Variants in MYO5A observed in about 807,000 individuals in gnomAD.
The protein encoded by MYO5A is unconventional myosin-Va.
Under a neutral mutation model 249.7 loss-of-function variants are expected in MYO5A, and 98 were observed. The ratio of observed to expected loss-of-function variants is 0.39; its 90% CI spans 0.33 to 0.46. The LOEUF is 0.46. Ranked by LOEUF, MYO5A falls within the 20% of genes least tolerant of loss-of-function variation. The pLI is 0.98. For synonymous variants in MYO5A, 778 were observed against 810.6 expected, an observed-to-expected ratio of 0.96 and a Z score of 0.68; for missense variants, 1,696 against 2,308.8, an observed-to-expected ratio of 0.73 and a Z score of 5.44.
intron 1 of MYO5A, among the ~76,000 whole-genome samples, chr15:52,486,367 A>G (rs902398818): frequency 3.1e-4 from 47 of 152,236 alleles, no homozygotes; most frequent in Non-Finnish European, 1.3e-4. Flanking sequence ...TCAAGATGAC[A>G]TGTCTAGTTA....
chr15:52,313,553 G>A lies in MYO5A; in HGVS notation c.*143C>T. On this transcript the variant is annotated 3_prime_UTR_variant, in exon 42 of 42. Transcript: ENST00000399233. ...TTTCCAAAGTGATGAAAGTATTCTA[G>A]GGAGATTTCCAGTTAATGACTTCTC... 9.5e-7 allele frequency: 1 copy of A among 1,049,706 alleles called. No individual in the cohort carries two copies. The highest frequency in any genetic ancestry group is 1.4e-6 in the Non-Finnish European group (1 of 706,514). The allele number at this position is 1,049,706 out of a possible 1,614,324, so 65.0% of individuals were successfully genotyped here.
intron 25 of MYO5A, among the ~76,000 whole-genome samples, chr15:52,357,103 C>T (rs985894655): frequency 2.0e-5 from 3 of 151,942 alleles, no homozygotes; most frequent in Non-Finnish European, 2.9e-5. Flanking sequence ...TGCCTCAACA[C>T]GAAATCACCA....
chr15:52,513,874 G>A (rs957955195), intron 1 of MYO5A, among the ~76,000 whole-genome samples: 13 of 152,218 alleles, frequency 8.5e-5, no homozygotes, highest in Admixed American at 3.3e-4. Context: ...TTGAAAAAGA[G>A]AACTGGAAGC....
rs2042591525 is a variant in MYO5A at position 52,398,621 on chromosome 15, C to A, written c.1054-1155G>T. 3.3e-5 allele frequency among the ~76,000 whole-genome samples: 5 copies of A among 152,190 alleles called. No individual in the cohort carries two copies. The South Asian group carries it at 1.0e-3, about 31-fold the overall frequency. Reference sequence around the variant, plus strand: ...CCAAGTAATCACTTTAGATACAAATCAGCACCACTGCCTGCTCAACTCCCT... The same window carrying A: ...CCAAGTAATCACTTTAGATACAAATAAGCACCACTGCCTGCTCAACTCCCT... On this transcript the variant is annotated intron_variant, in intron 9 of 41. Transcript: ENST00000399233.
At chr15:52,459,484 C>A (rs1202093137) in intron 1 of MYO5A, among the ~76,000 whole-genome samples, 1 of 151,776 alleles carries the variant, frequency 6.6e-6, no homozygotes, top group African/African-American at 2.4e-5. Flanking sequence ...ACGGGGTTGG[C>A]GGTAAGGTTA....
chr15:52,389,511 T>C (rs1318032918), intron 12 of MYO5A, 148 bp from the exon 13 acceptor site: 1 of 796,074 alleles, frequency 1.3e-6, no homozygotes, highest in Non-Finnish European at 1.9e-6. Flanking sequence ...TCCTTCCACA[T>C]TTCATTGTTA....
At chr15:52,320,958 A>C (rs1434652574) in intron 38 of MYO5A, among the ~76,000 whole-genome samples, 1 of 151,538 alleles carries the variant, frequency 6.6e-6, no homozygotes, top group African/African-American at 2.4e-5. Flanking sequence ...GCTTGCAGTG[A>C]GCTGAGATCG....
At chr15:52,409,259 A>G (rs2043142968) in intron 6 of MYO5A, among the ~76,000 whole-genome samples, 1 of 151,982 alleles carries the variant, frequency 6.6e-6, no homozygotes, top group African/African-American at 2.4e-5. Flanking sequence ...CTATCAATCA[A>G]ACCTCTACTA....
At chr15:52,482,071 A>G (rs11855082) in intron 1 of MYO5A, among the ~76,000 whole-genome samples, 22,652 of 152,170 alleles carry the variant, frequency 0.15, 1,809 homozygotes, top group Middle Eastern at 0.22. Context: ...GGCAGTTTTT[A>G]TATTCTTGTG....
chr15:52,390,333 T>C (rs1417730932), intron 12 of MYO5A, among the ~76,000 whole-genome samples: 1 of 152,132 alleles, frequency 6.6e-6, no homozygotes, highest in Non-Finnish European at 1.5e-5. Context: ...GATGTGATTA[T>C]TATACATCGC....
At chr15:52,348,308 AGGG>A (rs1666419567) in intron 29 of MYO5A, among the ~76,000 whole-genome samples, 1 of 152,144 alleles carries the variant, frequency 6.6e-6, no homozygotes. Flanking sequence ...ATAGAGAAAC[AGGG>A]ATATGGTAGA....
At chr15:52,418,771 C>T (rs1456061482) in intron 4 of MYO5A, among the ~76,000 whole-genome samples, 9 of 149,462 alleles carry the variant, frequency 6.0e-5, no homozygotes, top group Non-Finnish European at 1.5e-5. Flanking sequence ...AGAGAGAGAG[C>T]CGGGGTGGGG....
chr15:52,526,622 T>C (rs375712873), intron 1 of MYO5A, among the ~76,000 whole-genome samples: 16 of 152,214 alleles, frequency 1.1e-4, no homozygotes, highest in Middle Eastern at 3.4e-3. Context: ...CGGCAACGTG[T>C]TGGGATTACA....
intron 1 of MYO5A, among the ~76,000 whole-genome samples, chr15:52,508,073 G>A (rs1456776275): frequency 1.4e-5 from 2 of 147,678 alleles, no homozygotes; most frequent in South Asian, 2.1e-4. Flanking sequence ...TAACTCTAGA[G>A]ATGATGCCCT....
At chr15:52,349,430 G>A (rs150836670) in intron 28 of MYO5A, among the ~76,000 whole-genome samples, 1 of 152,146 alleles carries the variant, frequency 6.6e-6, no homozygotes, top group Non-Finnish European at 1.5e-5. Context: ...TGGGACACGA[G>A]TGCTACCATG....
At chr15:52,430,691 A>G (rs1264441446) in intron 2 of MYO5A, among the ~76,000 whole-genome samples, 4 of 152,234 alleles carry the variant, frequency 2.6e-5, no homozygotes, top group African/African-American at 9.6e-5. Flanking sequence ...TTTTTAAAAA[A>G]TACTAAGGAT....
At chr15:52,377,307 A>C (rs895317502) in intron 18 of MYO5A, among the ~76,000 whole-genome samples, 1 of 151,876 alleles carries the variant, frequency 6.6e-6, no homozygotes, top group African/African-American at 2.4e-5. Flanking sequence ...CTGTATTCCC[A>C]ACTACTTGGG....
At chr15:52,416,082 A>T in intron 5 of MYO5A, 63 bp downstream of exon 5, 1 of 1,590,826 alleles carries the variant, frequency 6.3e-7, no homozygotes, top group Admixed American at 1.7e-5. Flanking sequence ...GTATCAATCA[A>T]TTTTTTGAGC....
At chr15:52,335,197 A>C (rs916171395) in intron 34 of MYO5A, among the ~76,000 whole-genome samples, 2 of 152,180 alleles carry the variant, frequency 1.3e-5, no homozygotes, top group African/African-American at 2.4e-5. Flanking sequence ...AAAATCCCTT[A>C]AGCAGTGAGA....
Sources: gnomAD v4.1 joint callset for allele counts (sites outside exome capture counted in the v4.1 genomes callset) on GRCh38, gnomAD v4.1.1 for gene constraint, MANE v1.5 for transcripts, NCBI Gene and HGNC (gene_info 2026-07-23, HGNC 2026-07-21) for gene names.